JAM2: variants seen among roughly 807,000 people sequenced by gnomAD.
The protein encoded by JAM2 is junctional adhesion molecule 2.
JAM2 carries 17 observed loss-of-function variants against 42.0 expected under a neutral mutation model. The observed-to-expected ratio is 0.40, with a 90% CI of 0.28 to 0.61. JAM2 has a LOEUF of 0.61. Ranked by LOEUF, JAM2 falls within the 20% of genes least tolerant of loss-of-function variation. JAM2 has a pLI of 0.37. For synonymous variants in JAM2, 118 were observed against 128.6 expected, an observed-to-expected ratio of 0.92 and a Z score of 0.56; for missense variants, 319 against 358.3, an observed-to-expected ratio of 0.89 and a Z score of 0.89.
rs577933491 is a variant in JAM2, at chr21:25,678,600, G to A, written c.68-5283G>A. Among the ~76,000 whole-genome samples the A allele has an allele frequency of 7.9e-5, 12 of 152,276 alleles. No homozygotes were observed. The South Asian group carries it at 2.5e-3, about 32-fold the overall frequency. The stretch of plus-strand genomic sequence containing the variant: ...GTGGACTTGACACCTCTCTAAGATT[G>A]AGCCACATGGGTCACTGCTTTCTAC... On this transcript the variant is annotated intron_variant, in intron 1 of 9. Coordinates refer to ENST00000480456, the MANE Select transcript of JAM2 (RefSeq NM_021219.4).
intron 5 of JAM2, among the ~76,000 whole-genome samples, chr21:25,701,424 C>G (rs887462977): frequency 6.6e-6 from 1 of 151,740 alleles, no homozygotes; most frequent in Non-Finnish European, 1.5e-5. Flanking sequence ...TCTCTTCCTT[C>G]CTTTCTCCCT....
Position 25,715,091 on chromosome 21 carries a change from C to T in JAM2, c.*419C>T, listed in dbSNP as rs991884345. On this transcript the variant is annotated 3_prime_UTR_variant, in exon 10 of 10. Transcript: ENST00000480456. ...ATACTCTGACAGATGCAAAAGGAAC[C>T]TCTGGTCTCATTTCTGCCAGAATCC... 1 of 154,022 alleles carries T rather than the reference C, an allele frequency of 6.5e-6. No individual in the cohort carries two copies. Among genetic ancestry groups the T allele is most frequent in the East Asian group, 1.9e-4 (1 of 5,304 alleles). 9.5% of individuals were successfully genotyped at this position (154,022 alleles called of 1,614,324 possible).
In JAM2 at chr21:25,708,499, T is replaced by C. The variant is rs117584043; in HGVS notation, c.806-935T>C. ...AGGAGGATCGCTTGAGCGCAGAAGG[T>C]CGAGGCTGCAGTGAGTTGTAATCTC... On this transcript the variant is annotated intron_variant, in intron 7 of 9. Transcript: ENST00000480456. Among the ~76,000 whole-genome samples the C allele has an allele frequency of 1.7e-3, 259 of 152,292 alleles. 1 individual carries two copies. The highest frequency in any genetic ancestry group is 0.015 in the Admixed American group (225 of 15,298).
At chr21:25,713,963 G>A (rs529166159) in intron 9 of JAM2, among the ~76,000 whole-genome samples, 1 of 152,198 alleles carries the variant, frequency 6.6e-6, no homozygotes, top group Non-Finnish European at 1.5e-5. Context: ...CTACCACAGG[G>A]TTTCTCAACC....
chr21:25,686,535 C>T (rs552406113), intron 2 of JAM2, among the ~76,000 whole-genome samples: 20 of 152,338 alleles, frequency 1.3e-4, no homozygotes, highest in African/African-American at 4.8e-4. Context: ...TTCTTTCCAG[C>T]GCTGCTGTGC....
Position 25,698,774 on chromosome 21 carries a change from T to A in JAM2, c.492T>A (p.Pro164=). 1.9e-6 allele frequency: 3 copies of A among 1,614,176 alleles called. No homozygotes were observed. Among genetic ancestry groups the A allele is most frequent in the Non-Finnish European group, 2.5e-6 (3 of 1,180,022 alleles). ...RCQDKEGNPA[P]EYTWFKDGIR... is the part of the protein sequence containing the mutation. ...AAGACAAAGAAGGGAATCCAGCTCC[T>A]GAATACACATGGTTTAAGGATGGCA... The change falls in exon 5 of 10, where the codon CCT becomes CCA. Residue 164 remains proline, a synonymous_variant. Coordinates refer to ENST00000480456, the MANE Select transcript of JAM2 (RefSeq NM_021219.4).
At chr21:25,640,557 C>G (rs557023474) in intron 1 of JAM2, among the ~76,000 whole-genome samples, 2 of 152,338 alleles carry the variant, frequency 1.3e-5, no homozygotes, top group African/African-American at 4.8e-5. Context: ...GATCCAGTAG[C>G]TGGGGAGACG....
chr21:25,701,538 C>A (rs1442627185), intron 5 of JAM2, among the ~76,000 whole-genome samples: 1 of 150,162 alleles, frequency 6.7e-6, no homozygotes, highest in Non-Finnish European at 1.5e-5. Context: ...ATAAAAATAA[C>A]GAAGTCTATT....
intron 9 of JAM2, among the ~76,000 whole-genome samples, 164 bp downstream of exon 9, chr21:25,712,546 C>T (rs2034405621): frequency 6.6e-6 from 1 of 152,054 alleles, no homozygotes; most frequent in South Asian, 2.1e-4. Flanking sequence ...GCTTCTGTAC[C>T]CTGTCTAGGA....
Position 25,656,404 on chromosome 21 carries a change from C to T in JAM2, c.67+16516C>T, listed in dbSNP as rs573633371. Among the ~76,000 whole-genome samples the T allele has an allele frequency of 8.5e-5, 13 of 152,278 alleles. No homozygotes were observed. In the East Asian group the frequency reaches 2.3e-3, roughly 27 times the overall value. On this transcript the variant is annotated intron_variant, in intron 1 of 9. Coordinates refer to ENST00000480456, the MANE Select transcript of JAM2 (RefSeq NM_021219.4). Reference sequence around the variant, plus strand: ...ATTCATTTAATGTTAAAGTTCTTGTCATTAATAACTTAGTATCAAGCTTCC... The same window carrying T: ...ATTCATTTAATGTTAAAGTTCTTGTTATTAATAACTTAGTATCAAGCTTCC...
At chr21:25,707,284 C>A (rs564835329) in intron 7 of JAM2, among the ~76,000 whole-genome samples, 1 of 152,054 alleles carries the variant, frequency 6.6e-6, no homozygotes, top group African/African-American at 2.4e-5. Flanking sequence ...GAGTTCGAGA[C>A]CAGCCTGGCC....
At chr21:25,687,026 GA>G (rs1156318862) in intron 2 of JAM2, among the ~76,000 whole-genome samples, 1 of 152,144 alleles carries the variant, frequency 6.6e-6, no homozygotes, top group Non-Finnish European at 1.5e-5. Flanking sequence ...CTTAGGTTGA[GA>G]AAATATAATT....
intron 4 of JAM2, among the ~76,000 whole-genome samples, chr21:25,696,140 C>T (rs1055988720): frequency 8.5e-5 from 13 of 152,342 alleles, no homozygotes; most frequent in South Asian, 2.1e-4. Context: ...AATCCCGGCA[C>T]CTCGGGAGGC....
At chr21:25,647,447 A>G (rs1393966015) in intron 1 of JAM2, among the ~76,000 whole-genome samples, 7 of 152,204 alleles carry the variant, frequency 4.6e-5, no homozygotes. Context: ...AAATCAAATC[A>G]TATTATATAT....
At chr21:25,666,522 G>A (rs1240164796) in intron 1 of JAM2, among the ~76,000 whole-genome samples, 2 of 151,764 alleles carry the variant, frequency 1.3e-5, no homozygotes, top group Non-Finnish European at 2.9e-5. Context: ...ACAGGGTTTC[G>A]CCATGTTGGC....
At chr21:25,661,726 A>G (rs577995909) in intron 1 of JAM2, among the ~76,000 whole-genome samples, 6 of 152,094 alleles carry the variant, frequency 3.9e-5, no homozygotes, top group Non-Finnish European at 7.4e-5. Flanking sequence ...TGAGGGTCTG[A>G]TAGTGTTAAG....
intron 1 of JAM2, among the ~76,000 whole-genome samples, chr21:25,679,421 G>T (rs2033576039): frequency 6.6e-6 from 1 of 152,154 alleles, no homozygotes; most frequent in African/African-American, 2.4e-5. Context: ...TAGAGCAATG[G>T]TTCTCAACCA....
intron 3 of JAM2, 27 bp downstream of exon 3, chr21:25,690,000 G>A: frequency 7.2e-7 from 1 of 1,385,582 alleles, no homozygotes; most frequent in Non-Finnish European, 1.0e-6. Flanking sequence ...TTGAAGAGGT[G>A]TGAGCAAGAG....
intron 1 of JAM2, 141 bp downstream of exon 1, chr21:25,640,029 G>A (rs2032385918): frequency 8.9e-6 from 5 of 564,404 alleles, no homozygotes; most frequent in Non-Finnish European, 9.0e-6. Flanking sequence ...GCGCCCAGGC[G>A]AGCGGGAAAC....
Sources: gnomAD v4.1 joint callset for allele counts (sites outside exome capture counted in the v4.1 genomes callset) on GRCh38, gnomAD v4.1.1 for gene constraint, MANE v1.5 for transcripts, NCBI Gene and HGNC (gene_info 2026-07-23, HGNC 2026-07-21) for gene names.